Variants in ZNF44 observed in about 807,000 individuals in gnomAD.
ZNF44 encodes zinc finger protein 44, also known as gonadotropin inducible transcription repressor-2.
Under a neutral mutation model 11.7 loss-of-function variants are expected in ZNF44, and 9 were observed. That is an observed-to-expected ratio of 0.77 (90% CI 0.46 to 1.35). The LOEUF is 1.35. ZNF44 is among the 40% of genes most tolerant of loss of function. The pLI is 0.00. For synonymous variants in ZNF44, 224 were observed against 242.7 expected (o/e 0.92, Z 0.72); for missense variants, 696 against 743.1 (o/e 0.94, Z 0.74).
intron 1 of ZNF44, among the ~76,000 whole-genome samples, chr19:12,284,044 C>T (rs1967607102): frequency 6.6e-6 from 1 of 152,062 alleles, no homozygotes; most frequent in Admixed American, 6.6e-5. Flanking sequence ...AAAGATAAAC[C>T]ACCATCTGAA....
intron 3 of ZNF44, among the ~76,000 whole-genome samples, chr19:12,228,764 G>A (rs1043744932): frequency 6.6e-6 from 1 of 152,092 alleles, no homozygotes; most frequent in Non-Finnish European, 1.5e-5. Flanking sequence ...GGACTAGACT[G>A]CCTAAGTCCA....
chr19:12,284,693 C>T (rs2064177194), intron 1 of ZNF44: 5 of 737,278 alleles, frequency 6.8e-6, no homozygotes, highest in Admixed American at 4.0e-5. Context: ...TTGTTGCCAT[C>T]GGGGACTACA....
intron 5 of ZNF44, among the ~76,000 whole-genome samples, chr19:12,255,402 G>A (rs1917208359): frequency 6.6e-6 from 1 of 151,942 alleles, no homozygotes; most frequent in Admixed American, 6.6e-5. Flanking sequence ...GCTAACTGAG[G>A]AAAACAAAGA....
exon 8 of ZNF44, chr19:12,247,896 T>C (rs867748169): frequency 7.5e-7 from 1 of 1,331,460 alleles, no homozygotes; most frequent in Non-Finnish European, 9.9e-7. Flanking sequence ...CTCATGTTTT[T>C]GAGCAGTACA....
chr19:12,253,299 C>G (rs1420066440), intron 5 of ZNF44, among the ~76,000 whole-genome samples: 1 of 150,350 alleles, frequency 6.7e-6, no homozygotes, highest in African/African-American at 2.5e-5. Flanking sequence ...AAGTGATTCT[C>G]CTGTCTCAGC....
In ZNF44 at chr19:12,290,319, A is replaced by G. The variant is rs182169359; in HGVS notation, c.3+4373T>C. Among the ~76,000 whole-genome samples the G allele has an allele frequency of 1.3e-3, 189 of 149,510 alleles. 1 individual carries two copies. Among genetic ancestry groups the G allele is most frequent in the African/African-American group, 4.6e-3 (185 of 40,614 alleles). ...AGAATCACTTGAAACTGGGAGGCAG[A>G]GGTTGTGGTGAGCCAAGATCATGCC... On this transcript the variant is annotated intron_variant, in intron 1 of 3. Transcript: ENST00000355684.
chr19:12,254,812 G>A (rs757262142), intron 5 of ZNF44, among the ~76,000 whole-genome samples: 36 of 152,116 alleles, frequency 2.4e-4, no homozygotes, highest in Non-Finnish European at 4.6e-4. Context: ...GGGGCTAGGC[G>A]TGGTGGCTCA....
chr19:12,280,432 AACTC>A (rs1354419054), intron 1 of ZNF44, among the ~76,000 whole-genome samples: 1 of 152,094 alleles, frequency 6.6e-6, no homozygotes, highest in African/African-American at 2.4e-5. Flanking sequence ...AACTCTGGGG[AACTC>A]ACTAATAGAA....
intron 2 of ZNF44, among the ~76,000 whole-genome samples, chr19:12,231,114 C>T (rs377314248): frequency 1.3e-5 from 2 of 151,756 alleles, no homozygotes; most frequent in Admixed American, 6.5e-5. Context: ...TGCTTCTACT[C>T]GGTCACCCAG....
chr19:12,247,268 T>G (rs749356311), downstream of ZNF44: 32 of 1,202,182 alleles, frequency 2.7e-5, 1 homozygote, highest in South Asian at 4.3e-4. Context: ...ATATTTACAT[T>G]TATAGTTTCT....
chr19:12,252,878 CTTTTTTTTTTTTT>C (rs753388314), intron 5 of ZNF44, among the ~76,000 whole-genome samples: 2 of 78,668 alleles, frequency 2.5e-5, no homozygotes, highest in East Asian at 7.6e-4. Context: ...CTACAAGAAA[CTTTTTTTTTTTTT>C]TTTTTTTTTT....
intron 1 of ZNF44, among the ~76,000 whole-genome samples, chr19:12,290,818 A>G (rs1421702639): frequency 1.3e-5 from 2 of 152,356 alleles, no homozygotes; most frequent in East Asian, 1.9e-4. Context: ...AGAACCAACT[A>G]AACTGGGCCC....
At chr19:12,226,544 C>T (rs1390746946) in intron 3 of ZNF44, 1 of 152,242 alleles carries the variant, frequency 6.6e-6, no homozygotes, top group East Asian at 1.9e-4. Context: ...CAAAAGAAAA[C>T]AGATTCTTGT....
At chr19:12,248,357 A>C (rs1277997663) in exon 8 of ZNF44, 1 of 1,292,066 alleles carries the variant, frequency 7.7e-7, no homozygotes, top group Non-Finnish European at 1.0e-6. Flanking sequence ...CACAGGCCTT[A>C]CATTTGTAGA....
At chr19:12,237,476 G>A (rs1343401212) in exon 1 of ZNF44, 4 of 167,810 alleles carry the variant, frequency 2.4e-5, no homozygotes, top group African/African-American at 7.2e-5. Flanking sequence ...CAGGTGTCCC[G>A]GGTCCTCCCT....
At chr19:12,270,959 C>T (rs985787744), downstream of ZNF44, among the ~76,000 whole-genome samples, 3 of 152,088 alleles carry the variant, frequency 2.0e-5, no homozygotes, top group African/African-American at 7.2e-5. Flanking sequence ...AAGACTGATA[C>T]AGCAGTCAGG....
At chr19:12,244,222 G>A (rs908951465), downstream of ZNF44, among the ~76,000 whole-genome samples, 1 of 151,850 alleles carries the variant, frequency 6.6e-6, no homozygotes, top group African/African-American at 2.4e-5. Context: ...TCCCTATGTC[G>A]CCCAGGTTGG....
intron 1 of ZNF44, among the ~76,000 whole-genome samples, chr19:12,288,650 G>A (rs1967857954): frequency 6.6e-6 from 1 of 150,966 alleles, no homozygotes; most frequent in Non-Finnish European, 1.5e-5. Flanking sequence ...GCTGAGGCAG[G>A]AGAATAGCTT....
Position 12,278,653 on chromosome 19 carries a change from G to A in ZNF44, c.4-2571C>T, listed in dbSNP as rs186239581. Among the ~76,000 whole-genome samples the A allele has an allele frequency of 2.8e-3, 424 of 152,024 alleles. 1 individual carries two copies. Among genetic ancestry groups the A allele is most frequent in the African/African-American group, 9.9e-3 (412 of 41,440 alleles). ...AAAGTAGGAGAATTGCTTGAGCCTA[G>A]GAGGTTGAGGCTGCAGTGAACCACG... On this transcript the variant is annotated intron_variant, in intron 1 of 3. Coordinates refer to ENST00000355684, the MANE Select transcript of ZNF44 (RefSeq NM_016264.4).
Sources: allele counts gnomAD v4.1 joint callset (sites outside exome capture counted in the v4.1 genomes callset), GRCh38; gene constraint gnomAD v4.1.1; transcripts MANE v1.5; gene names NCBI Gene and HGNC (gene_info 2026-07-23, HGNC 2026-07-21).